TMCO5A: variants seen among roughly 807,000 people sequenced by gnomAD.
The protein encoded by TMCO5A is transmembrane and coiled-coil domains 5A.
TMCO5A carries 34 observed loss-of-function variants against 42.3 expected under a neutral mutation model. That is an observed-to-expected ratio of 0.80 (90% CI 0.61 to 1.07). TMCO5A has a LOEUF of 1.07. Ranked by LOEUF, TMCO5A falls within the 50% of genes least tolerant of loss-of-function variation. The pLI, the probability that TMCO5A is intolerant of heterozygous loss-of-function variation, is 0.00. For missense variants in TMCO5A, 357 were observed against 327.9 expected, an observed-to-expected ratio of 1.09 and a Z score of -0.69; for synonymous variants, 131 against 115.6, an observed-to-expected ratio of 1.13 and a Z score of -0.86.
At chr15:37,938,916 T>C (rs1157971632) in intron 6 of TMCO5A, among the ~76,000 whole-genome samples, 5 of 152,142 alleles carry the variant, frequency 3.3e-5, no homozygotes, top group Non-Finnish European at 7.4e-5. Flanking sequence ...AAATTTCTTG[T>C]GTATACTCAT....
chr15:38,038,406 C>CTTTT, the TMCO5A span, among the ~76,000 whole-genome samples: 1 of 139,052 alleles, frequency 7.2e-6, no homozygotes, highest in Non-Finnish European at 1.6e-5. Context: ...ATGAAAATTT[C>CTTTT]TTTTTTTTTT....
chr15:37,951,265 G>A lies in TMCO5A; in HGVS notation c.*31G>A, dbSNP rs1353378181. ...TAAGAAATATCCTTGAGCAATAGAA[G>A]GGAAGTGGGATCCGAGCCTGTAGAA... On this transcript the variant is annotated 3_prime_UTR_variant, in exon 12 of 12. Coordinates refer to ENST00000319669, the MANE Select transcript of TMCO5A (RefSeq NM_152453.4). The A allele has an allele frequency of 6.2e-7, 1 of 1,602,550 alleles. No homozygotes were observed. Among genetic ancestry groups the A allele is most frequent in the South Asian group, 1.1e-5 (1 of 90,234 alleles).
chr15:38,013,810 C>G, the TMCO5A span, among the ~76,000 whole-genome samples: 3 of 152,162 alleles, frequency 2.0e-5, no homozygotes, highest in African/African-American at 7.2e-5. Context: ...AATTTAGTGA[C>G]TTAAAACTAT....
intron 11 of TMCO5A, among the ~76,000 whole-genome samples, chr15:37,950,600 C>A (rs1039224927): frequency 6.6e-6 from 1 of 152,068 alleles, no homozygotes; most frequent in African/African-American, 2.4e-5. Flanking sequence ...CAGGGAAATG[C>A]ATATTGAAGC....
At chr15:38,032,247 T>C in the TMCO5A span, among the ~76,000 whole-genome samples, 1 of 152,174 alleles carries the variant, frequency 6.6e-6, no homozygotes, top group Non-Finnish European at 1.5e-5. Context: ...GAGCCACCGC[T>C]CCCAGCAGAC....
In TMCO5A at chr15:37,936,082, T is replaced by C. The variant is rs1595583005; in HGVS notation, c.-10-232T>C. 1.1e-5 allele frequency: 4 copies of C among 370,200 alleles called. No homozygotes were observed. In the East Asian group the frequency reaches 1.4e-4, roughly 13 times the overall value. The allele number at this position is 370,200 out of a possible 1,614,324, so 22.9% of individuals were successfully genotyped here. A position where few individuals can be genotyped will look rare whatever the true frequency, so the allele number is the denominator to read the frequency against. ...ACCAGAGTGAAGGTGCACTGTTAGA[T>C]TGAGCACTTTGGAGGAGAAAGCCTG... On this transcript the variant is annotated intron_variant, in intron 2 of 11. Transcript: ENST00000319669.
chr15:38,016,839 T>C, the TMCO5A span, among the ~76,000 whole-genome samples: 6 of 152,112 alleles, frequency 3.9e-5, no homozygotes, highest in African/African-American at 1.4e-4. Flanking sequence ...TAACTACTAG[T>C]AGGAGAAAAG....
chr15:38,024,767 T>A, the TMCO5A span: 1 of 152,228 alleles, frequency 6.6e-6, no homozygotes, highest in South Asian at 2.1e-4. Flanking sequence ...GGACTAGGAA[T>A]GTGAATATGT....
rs1022819078 is a variant in TMCO5A, at chr15:37,937,410, C to T, written c.315+14C>T. On this transcript the variant is annotated intron_variant, in intron 5 of 11. Coordinates refer to ENST00000319669, the MANE Select transcript of TMCO5A (RefSeq NM_152453.4). ...CTTCAACAAAAGGTGAGGTAGGGTA[C>T]TTGTGTTCTCCAGTGCCCCCACAAC... 13 of 1,612,688 alleles carry T rather than the reference C, an allele frequency of 8.1e-6. No homozygotes were observed. Among genetic ancestry groups the T allele is most frequent in the African/African-American group, 1.3e-5 (1 of 74,774 alleles).
intron 11 of TMCO5A, among the ~76,000 whole-genome samples, chr15:37,950,186 A>G (rs1890109556): frequency 6.6e-6 from 1 of 152,300 alleles, no homozygotes; most frequent in Middle Eastern, 3.4e-3. Flanking sequence ...CCCAAACTCC[A>G]ATGGAGGGGA....
intron 10 of TMCO5A, among the ~76,000 whole-genome samples, chr15:37,945,501 A>C (rs183469671): frequency 1.6e-4 from 25 of 152,212 alleles, no homozygotes; most frequent in African/African-American, 5.8e-4. Flanking sequence ...AACAGTGTAA[A>C]AGCATGCCTT....
At chr15:38,001,364 T>C in the TMCO5A span, among the ~76,000 whole-genome samples, 341 of 152,074 alleles carry the variant, frequency 2.2e-3, no homozygotes, top group African/African-American at 7.8e-3. Flanking sequence ...TAATTGTCCA[T>C]CCCTTTATGT....
At chr15:37,962,300 G>A (rs186418982) in intron 11 of TMCO5A, among the ~76,000 whole-genome samples, 1 of 152,128 alleles carries the variant, frequency 6.6e-6, no homozygotes, top group African/African-American at 2.4e-5. Flanking sequence ...AGATGATCAT[G>A]TGATTTTGGT....
At chr15:37,981,965 C>G in the TMCO5A span, among the ~76,000 whole-genome samples, 2 of 152,184 alleles carry the variant, frequency 1.3e-5, no homozygotes, top group South Asian at 4.1e-4. Flanking sequence ...ACCACAGTAG[C>G]CTGTTTCCCT....
chr15:37,965,583 T>A lies in TMCO5A; in HGVS notation c.669-1042T>A, dbSNP rs571655053. 7.2e-5 allele frequency among the ~76,000 whole-genome samples: 11 copies of A among 152,282 alleles called. No homozygotes were observed. In the East Asian group the frequency reaches 2.1e-3, roughly 29 times the overall value. On this transcript the variant is annotated intron_variant, in intron 11 of 11. Coordinates refer to the TMCO5A transcript ENST00000559502. ...ATAGGAAATAAGTCTAATAATCTGA[T>A]TTAGAATGGGCAAAAGATTTGAACA...
the TMCO5A span, among the ~76,000 whole-genome samples, chr15:37,982,048 A>G: frequency 6.6e-6 from 1 of 152,218 alleles, no homozygotes; most frequent in Admixed American, 6.5e-5. Context: ...ATGTAAGTAA[A>G]TTATATTCCT....
At chr15:37,977,021 C>T in the TMCO5A span, among the ~76,000 whole-genome samples, 1 of 152,130 alleles carries the variant, frequency 6.6e-6, no homozygotes, top group South Asian at 2.1e-4. Flanking sequence ...ACCTGCCCAC[C>T]TTGGCCTCCC....
chr15:37,943,286 T>C, intron 9 of TMCO5A, 55 bp from the exon 10 acceptor site: 2 of 1,537,916 alleles, frequency 1.3e-6, no homozygotes, highest in Non-Finnish European at 9.0e-7. Flanking sequence ...CATAGTGTAG[T>C]ATGAATATTT....
At chr15:37,941,306 A>G in intron 7 of TMCO5A, 101 bp downstream of exon 7, 1 of 1,227,638 alleles carries the variant, frequency 8.1e-7, no homozygotes, top group Non-Finnish European at 1.2e-6. Flanking sequence ...TTAAGGTTCC[A>G]GATCCAAGAC....
Sources: allele counts gnomAD v4.1 joint callset (sites outside exome capture counted in the v4.1 genomes callset), GRCh38; gene constraint gnomAD v4.1.1; transcripts MANE v1.5; gene names NCBI Gene and HGNC (gene_info 2026-07-23, HGNC 2026-07-21).